The following PDE7B variants were observed in gnomAD, a reference collection of about 807,000 sequenced individuals.
PDE7B encodes the protein 3',5'-cyclic-AMP phosphodiesterase 7B.
PDE7B carries 29 observed loss-of-function variants against 56.2 expected under a neutral mutation model. The ratio of observed to expected loss-of-function variants is 0.52; its 90% CI spans 0.38 to 0.70. The LOEUF (loss-of-function observed/expected upper bound fraction) is 0.70, where lower values mean the gene tolerates loss of function less well. PDE7B is among the 30% of genes least tolerant of loss of function. The probability of loss-of-function intolerance (pLI) is 0.00; values close to 1 mark genes in which losing one functional copy is unlikely to be tolerated. For synonymous variants in PDE7B, 197 were observed against 196.9 expected (o/e 1.00, Z 0.00); for missense variants, 490 against 565.0 (o/e 0.87, Z 1.35).
chr6:136,113,362 T>C (rs1777780646), intron 3 of PDE7B, among the ~76,000 whole-genome samples: 2 of 152,236 alleles, frequency 1.3e-5, no homozygotes, highest in Non-Finnish European at 2.9e-5. Flanking sequence ...AAGAGATTCA[T>C]CTAGATCAAT....
chr6:136,128,876 C>T (rs936997616), intron 3 of PDE7B, among the ~76,000 whole-genome samples: 3 of 152,146 alleles, frequency 2.0e-5, no homozygotes, highest in Admixed American at 6.5e-5. Flanking sequence ...GTCCCTTTGT[C>T]CCACCTTTCT....
chr6:136,125,835 C>G (rs1335243604), intron 3 of PDE7B, among the ~76,000 whole-genome samples: 1 of 151,938 alleles, frequency 6.6e-6, no homozygotes, highest in Non-Finnish European at 1.5e-5. Context: ...CTTCCCGGGG[C>G]GTTTTTACCC....
intron 1 of PDE7B, among the ~76,000 whole-genome samples, chr6:135,927,284 G>A (rs942924254): frequency 6.6e-6 from 1 of 152,144 alleles, no homozygotes; most frequent in African/African-American, 2.4e-5. Flanking sequence ...ATTGGTTACT[G>A]TAGCCTTGTA....
chr6:136,018,039 A>T (rs1251832648), intron 2 of PDE7B, among the ~76,000 whole-genome samples: 3 of 152,208 alleles, frequency 2.0e-5, no homozygotes, highest in African/African-American at 7.2e-5. Context: ...TAAGGTAGCC[A>T]GGGAAAATTT....
intron 1 of PDE7B, among the ~76,000 whole-genome samples, chr6:135,859,743 C>T (rs534485909): frequency 6.4e-4 from 94 of 146,018 alleles, no homozygotes; most frequent in African/African-American, 2.1e-3. Flanking sequence ...AGTAGTAATA[C>T]AAAAAAAAAA....
chr6:136,040,520 C>CCACAGCAGCACA (rs1369233304), intron 2 of PDE7B, among the ~76,000 whole-genome samples: 3 of 152,196 alleles, frequency 2.0e-5, no homozygotes, highest in Non-Finnish European at 4.4e-5. Context: ...ATCATTTTCA[C>CCACAGCAGCACA]CACAGCAGCA....
chr6:135,882,554 T>C (rs535346843), intron 1 of PDE7B, among the ~76,000 whole-genome samples: 21 of 152,302 alleles, frequency 1.4e-4, no homozygotes, highest in African/African-American at 5.1e-4. Context: ...ATTCAATAAA[T>C]ACATACACTT....
intron 2 of PDE7B, among the ~76,000 whole-genome samples, chr6:135,965,587 G>A (rs2128202054): frequency 6.6e-6 from 1 of 152,274 alleles, no homozygotes; most frequent in South Asian, 2.1e-4. Flanking sequence ...TTACATGGTA[G>A]CAGGCAAGAG....
At chr6:136,133,758 T>A (rs1235391971) in intron 3 of PDE7B, among the ~76,000 whole-genome samples, 1 of 152,102 alleles carries the variant, frequency 6.6e-6, no homozygotes, top group Non-Finnish European at 1.5e-5. Context: ...ACTGCAATAC[T>A]AGGAGGAGAG....
At chr6:136,166,666 G>A (rs927131960) in intron 8 of PDE7B, among the ~76,000 whole-genome samples, 1 of 152,080 alleles carries the variant, frequency 6.6e-6, no homozygotes, top group Non-Finnish European at 1.5e-5. Flanking sequence ...AATCATTCAT[G>A]AGAAACCACA....
chr6:135,905,092 A>C (rs1405507630), intron 1 of PDE7B, among the ~76,000 whole-genome samples: 3 of 152,176 alleles, frequency 2.0e-5, no homozygotes. Context: ...TTTATTTTGC[A>C]GTAGAATCTG....
At chr6:136,058,033 G>A (rs184160488) in intron 2 of PDE7B, among the ~76,000 whole-genome samples, 10 of 152,204 alleles carry the variant, frequency 6.6e-5, no homozygotes, top group South Asian at 6.2e-4. Flanking sequence ...CACTGCGCCC[G>A]CCTCTGCTCA....
chr6:136,164,315 A>G (rs1305449798), intron 8 of PDE7B, among the ~76,000 whole-genome samples: 2 of 152,126 alleles, frequency 1.3e-5, no homozygotes, highest in Non-Finnish European at 2.9e-5. Context: ...CTATCATGAG[A>G]ACAGGTTGGG....
At chr6:135,980,617 G>T (rs1241888957) in intron 2 of PDE7B, among the ~76,000 whole-genome samples, 2 of 152,056 alleles carry the variant, frequency 1.3e-5, no homozygotes, top group Non-Finnish European at 2.9e-5. Flanking sequence ...TCAAAGAGTG[G>T]GCGAAGGACA....
At chr6:135,965,439 A>G (rs752473421) in intron 2 of PDE7B, among the ~76,000 whole-genome samples, 1 of 152,178 alleles carries the variant, frequency 6.6e-6, no homozygotes, top group Admixed American at 6.5e-5. Context: ...AAAGCTGAGT[A>G]TGTTAATCTG....
chr6:135,852,657 C>A (rs1445516447), intron 1 of PDE7B, among the ~76,000 whole-genome samples: 2 of 152,110 alleles, frequency 1.3e-5, no homozygotes, highest in Admixed American at 6.5e-5. Context: ...AGGAGAGATG[C>A]AAGTACTAAG....
intron 2 of PDE7B, among the ~76,000 whole-genome samples, chr6:136,054,531 A>T (rs545750210): frequency 6.6e-6 from 1 of 152,162 alleles, no homozygotes; most frequent in Non-Finnish European, 1.5e-5. Flanking sequence ...TTGACTTGGC[A>T]ATGCGAGCCC....
At chr6:135,945,994 G>A (rs1774589805) in intron 1 of PDE7B, among the ~76,000 whole-genome samples, 1 of 152,084 alleles carries the variant, frequency 6.6e-6, no homozygotes, top group African/African-American at 2.4e-5. Context: ...TAGCCCCAGT[G>A]TGCCCTCCAA....
At chr6:136,045,813 T>C (rs1000493733) in intron 2 of PDE7B, among the ~76,000 whole-genome samples, 4 of 151,972 alleles carry the variant, frequency 2.6e-5, no homozygotes, top group African/African-American at 7.2e-5. Flanking sequence ...GCTAGAGCTA[T>C]GATGGGAATG....
Sources: allele counts gnomAD v4.1 joint callset (sites outside exome capture counted in the v4.1 genomes callset), GRCh38; gene constraint gnomAD v4.1.1; transcripts MANE v1.5; gene names NCBI Gene and HGNC (gene_info 2026-07-23, HGNC 2026-07-21).